CLRN1: variants seen among roughly 807,000 people sequenced by gnomAD.
The protein encoded by CLRN1 is clarin 1, also known as clarin-1.
Under a neutral mutation model 18.7 loss-of-function variants are expected in CLRN1, and 15 were observed. That is an observed-to-expected ratio of 0.80 (90% CI 0.54 to 1.23). The LOEUF (loss-of-function observed/expected upper bound fraction) is 1.23. Among genes scored for constraint, CLRN1 ranks in the 50% most tolerant of loss-of-function variants. The pLI, the probability that CLRN1 is intolerant of heterozygous loss-of-function variation, is 0.00. For missense variants in CLRN1, 311 were observed against 277.5 expected (o/e 1.12, Z -0.86); for synonymous variants, 104 against 102.9 (o/e 1.01, Z -0.07).
intron 2 of CLRN1, among the ~76,000 whole-genome samples, chr3:150,929,854 CTT>C: frequency 6.6e-6 from 1 of 152,092 alleles, no homozygotes; most frequent in African/African-American, 2.4e-5. Context: ...ATTACAGTGT[CTT>C]TTTTTTCTCC....
chr3:150,937,848 T>G (rs564394877), intron 2 of CLRN1, among the ~76,000 whole-genome samples: 1 of 152,324 alleles, frequency 6.6e-6, no homozygotes, highest in East Asian at 1.9e-4. Context: ...TCCAATGGGT[T>G]GCTTTCTTTC....
At chr3:150,963,469 C>A (rs1715123090) in intron 1 of CLRN1, among the ~76,000 whole-genome samples, 1 of 152,102 alleles carries the variant, frequency 6.6e-6, no homozygotes, top group South Asian at 2.1e-4. Flanking sequence ...GAATTAATAT[C>A]ATGAAAATGG....
intron 1 of CLRN1, among the ~76,000 whole-genome samples, chr3:150,963,540 TC>T (rs1231081639): frequency 6.6e-6 from 1 of 152,226 alleles, no homozygotes; most frequent in Non-Finnish European, 1.5e-5. Flanking sequence ...CCATTGACTT[TC>T]TTCACAGAAT....
chr3:150,942,056 G>C (rs1394540536), intron 1 of CLRN1, among the ~76,000 whole-genome samples: 2 of 151,546 alleles, frequency 1.3e-5, no homozygotes, highest in African/African-American at 4.9e-5. Flanking sequence ...ACCCAAATCT[G>C]TACATTTTAA....
At chr3:150,947,499 G>T (rs1385259817) in intron 1 of CLRN1, among the ~76,000 whole-genome samples, 1 of 152,132 alleles carries the variant, frequency 6.6e-6, no homozygotes, top group Non-Finnish European at 1.5e-5. Context: ...GATCATGGAG[G>T]CAGGAAATTA....
At chr3:150,948,805 C>T (rs545381600) in intron 1 of CLRN1, among the ~76,000 whole-genome samples, 1 of 152,290 alleles carries the variant, frequency 6.6e-6, no homozygotes, top group East Asian at 1.9e-4. Context: ...ACCATTCCTA[C>T]AGAACCTATT....
intron 1 of CLRN1, among the ~76,000 whole-genome samples, chr3:150,945,340 C>T (rs1250742272): frequency 6.6e-6 from 1 of 152,132 alleles, no homozygotes; most frequent in Non-Finnish European, 1.5e-5. Flanking sequence ...AGTGAGACAG[C>T]AGGGAAGCAA....
intron 2 of CLRN1, among the ~76,000 whole-genome samples, chr3:150,939,832 T>C (rs886333356): frequency 6.6e-6 from 1 of 152,166 alleles, no homozygotes; most frequent in African/African-American, 2.4e-5. Context: ...ATCTGGACTT[T>C]CACATGTGAT....
chr3:150,952,256 G>A (rs7615495), intron 1 of CLRN1, among the ~76,000 whole-genome samples: 123,575 of 152,062 alleles, frequency 0.81, 50,778 homozygotes, highest in Non-Finnish European at 0.88. Flanking sequence ...TTGAATTTTG[G>A]TCTTTTCCCA....
intron 2 of CLRN1, among the ~76,000 whole-genome samples, chr3:150,931,039 G>T (rs1239380692): frequency 1.3e-5 from 2 of 152,126 alleles, no homozygotes; most frequent in African/African-American, 4.8e-5. Context: ...TCGTTTCAGG[G>T]ACAGAGGATA....
chr3:150,949,838 G>T (rs531620827), intron 1 of CLRN1, among the ~76,000 whole-genome samples: 1 of 152,030 alleles, frequency 6.6e-6, no homozygotes, highest in Non-Finnish European at 1.5e-5. Flanking sequence ...GTACCAAAAA[G>T]AGCCCAAATG....
At chr3:150,944,952 G>A (rs1443301075) in intron 1 of CLRN1, among the ~76,000 whole-genome samples, 1 of 152,130 alleles carries the variant, frequency 6.6e-6, no homozygotes, top group Non-Finnish European at 1.5e-5. Flanking sequence ...ATGTCAAATA[G>A]GATTTATGTT....
chr3:150,932,296 C>T (rs1267608328), intron 2 of CLRN1, among the ~76,000 whole-genome samples: 1 of 152,136 alleles, frequency 6.6e-6, no homozygotes, highest in East Asian at 1.9e-4. Context: ...GCTTCTTCAT[C>T]CCTGAATGAC....
In CLRN1 at chr3:150,927,399, A is replaced by G. The variant is rs1712862411; in HGVS notation, c.*537T>C. The G allele has an allele frequency of 6.7e-6, 3 of 446,506 alleles. No individual in the cohort carries two copies. Among genetic ancestry groups the G allele is most frequent in the Non-Finnish European group, 1.3e-5 (3 of 223,154 alleles). The allele number at this position is 446,506 out of a possible 1,614,324, so 27.7% of individuals were successfully genotyped here. On this transcript the variant is annotated 3_prime_UTR_variant, in exon 3 of 3. Coordinates refer to ENST00000327047, the MANE Select transcript of CLRN1 (RefSeq NM_174878.3). ...CTTGGCCTCCTGAAGTGCTGGAATT[A>G]CAGGTGTGAGTCACCACGCCTGGCC...
chr3:150,931,023 A>G (rs1458713267), intron 2 of CLRN1, among the ~76,000 whole-genome samples: 1 of 152,180 alleles, frequency 6.6e-6, no homozygotes, highest in African/African-American at 2.4e-5. Context: ...CACGAGGTCA[A>G]CGTTGTCGTT....
intron 2 of CLRN1, among the ~76,000 whole-genome samples, chr3:150,939,807 C>T (rs1161911678): frequency 2.0e-5 from 3 of 152,126 alleles, no homozygotes; most frequent in African/African-American, 7.2e-5. Flanking sequence ...GAAGTAATCC[C>T]AACTCTCTCT....
intron 1 of CLRN1, among the ~76,000 whole-genome samples, chr3:150,965,318 A>G (rs963137894): frequency 6.6e-6 from 1 of 152,192 alleles, no homozygotes; most frequent in Admixed American, 6.5e-5. Flanking sequence ...TGTAGATAAT[A>G]CATACAAAAT....
intron 1 of CLRN1, among the ~76,000 whole-genome samples, chr3:150,944,597 C>T (rs1277465426): frequency 3.3e-5 from 5 of 151,366 alleles, no homozygotes; most frequent in East Asian, 3.9e-4. Flanking sequence ...CGGTGGCTCA[C>T]GCCTGTAATC....
chr3:150,933,051 T>G (rs1346686502), intron 2 of CLRN1, among the ~76,000 whole-genome samples: 1 of 152,186 alleles, frequency 6.6e-6, no homozygotes, highest in South Asian at 2.1e-4. Flanking sequence ...AAAAATACAA[T>G]GTTTATCTAA....
Sources: gnomAD v4.1 joint callset for allele counts (sites outside exome capture counted in the v4.1 genomes callset) on GRCh38, gnomAD v4.1.1 for gene constraint, MANE v1.5 for transcripts, NCBI Gene and HGNC (gene_info 2026-07-23, HGNC 2026-07-21) for gene names.